The following AAGAB variants were observed in gnomAD, a reference collection of about 807,000 sequenced individuals.
AAGAB encodes the protein alpha and gamma adaptin binding protein.
A neutral mutation model predicts 44.1 loss-of-function variants in AAGAB; 38 were observed. The ratio of observed to expected loss-of-function variants is 0.86; its 90% confidence interval spans 0.67 to 1.13. AAGAB has a LOEUF of 1.13. Ranked by LOEUF, AAGAB falls within the 50% of genes most tolerant of loss-of-function variation. AAGAB has a pLI of 0.00. For missense variants in AAGAB, 450 were observed against 373.8 expected, an observed-to-expected ratio of 1.20 and a Z score of -1.68; for synonymous variants, 131 against 131.8, an observed-to-expected ratio of 0.99 and a Z score of 0.04.
At chr15:67,203,682 G>A (rs746964492) in intron 8 of AAGAB, 85 bp from the exon 9 acceptor site, 231 of 1,187,056 alleles carry the variant, frequency 1.9e-4, no homozygotes, top group Non-Finnish European at 2.7e-4. Context: ...GATGGGAGAC[G>A]GGTTTCAAAG....
At chr15:67,240,952 A>G (rs561308983) in intron 1 of AAGAB, among the ~76,000 whole-genome samples, 2 of 152,230 alleles carry the variant, frequency 1.3e-5, no homozygotes, top group Non-Finnish European at 2.9e-5. Flanking sequence ...TTCAGAATCA[A>G]TAACAGGTGA....
rs977419877 is a variant in AAGAB, at chr15:67,219,032, G to A, written c.536-9488C>T. Among the ~76,000 whole-genome samples the A allele has an allele frequency of 5.9e-5, 9 of 152,080 alleles. 1 individual carries two copies. The South Asian group carries it at 6.2e-4, about 11-fold the overall frequency. On this transcript the variant is annotated intron_variant, in intron 5 of 9. Transcript: ENST00000261880. ...AGAAGTCGTACCTTTAATGCATAGC[G>A]GAAACTGTGACTTCCCTAGAAGTTT...
chr15:67,209,632 T>C lies in AAGAB; in HGVS notation c.536-88A>G, dbSNP rs1342071572. 3 of 1,074,976 alleles carry C rather than the reference T, an allele frequency of 2.8e-6. No individual in the cohort carries two copies. The East Asian group carries it at 7.1e-5, about 25-fold the overall frequency. 66.6% of individuals were successfully genotyped at this position (1,074,976 alleles called of 1,614,324 possible). A position where few individuals can be genotyped will look rare whatever the true frequency, so the allele number is the denominator to read the frequency against. On this transcript the variant is annotated intron_variant, in intron 5 of 9. Coordinates refer to ENST00000261880, the MANE Select transcript of AAGAB (RefSeq NM_024666.5). Reference sequence around the variant, plus strand: ...ATGATGATGAAACAAAGGCTACTTATTTGTTACCAAAGTTCTAACTACATA... The same window carrying C: ...ATGATGATGAAACAAAGGCTACTTACTTGTTACCAAAGTTCTAACTACATA...
chr15:67,224,572 T>C (rs1433082399), intron 5 of AAGAB, among the ~76,000 whole-genome samples: 2 of 151,838 alleles, frequency 1.3e-5, no homozygotes, highest in African/African-American at 4.8e-5. Flanking sequence ...AAAGTCACTT[T>C]TCTTTTTCTT....
intron 1 of AAGAB, among the ~76,000 whole-genome samples, chr15:67,252,245 T>C (rs773424812): frequency 2.0e-5 from 3 of 152,204 alleles, no homozygotes; most frequent in Non-Finnish European, 2.9e-5. Context: ...CAGAGCACCA[T>C]AGCATTTAGA....
rs749596536 is a variant in AAGAB at position 67,254,650 on chromosome 15, G to T, written c.-19C>A. 9 of 1,599,228 alleles carry T rather than the reference G, an allele frequency of 5.6e-6. No individual in the cohort carries two copies. The South Asian group carries it at 1.0e-4, about 18-fold the overall frequency. ...CAGCCATAGCTGCGCTCGCGAGCCG[G>T]TTCCGTCAGGCAGCCGCTTCCGCCT... On this transcript the variant is annotated 5_prime_UTR_variant, in exon 1 of 10. Transcript: ENST00000261880.
chr15:67,228,207 A>C (rs1347137998), intron 5 of AAGAB, among the ~76,000 whole-genome samples: 1 of 152,252 alleles, frequency 6.6e-6, no homozygotes, highest in East Asian at 1.9e-4. Context: ...ATTTTTCAAA[A>C]AGTGAATAAA....
intron 5 of AAGAB, among the ~76,000 whole-genome samples, chr15:67,218,439 G>GAAACAAAC (rs34755684): frequency 6.6e-6 from 1 of 151,502 alleles, no homozygotes; most frequent in East Asian, 1.9e-4. Context: ...AACCTAGCCT[G>GAAACAAAC]AAACAAACAA....
At chr15:67,236,567 T>TG in intron 2 of AAGAB, 63 bp from the exon 3 acceptor site, 1 of 1,602,198 alleles carries the variant, frequency 6.2e-7, no homozygotes, top group Non-Finnish European at 8.5e-7. Flanking sequence ...CAAAATGTAA[T>TG]GGGAAAAAAA....
Position 67,208,600 on chromosome 15 carries a change from G to A in AAGAB, c.677C>T (p.Ala226Val), listed in dbSNP as rs1352588722. ...TESLSDHRGGASNTTDAQVDS... is the reference protein window; with the variant it reads ...TESLSDHRGGVSNTTDAQVDS... ...AACCTGGGCATCTGTTGTGTTAGAT[G>A]CACCACCCCGATGATCAGAGAGGGA... The change falls in exon 7 of 10, where the codon GCA becomes GTA. Residue 226 changes from alanine to valine, a missense_variant. Ala to Val is a moderately conservative substitution (Grantham distance 64). Coordinates refer to ENST00000261880, the MANE Select transcript of AAGAB (RefSeq NM_024666.5). The A allele has an allele frequency of 5.6e-6, 9 of 1,614,018 alleles. No homozygotes were observed. Among genetic ancestry groups the A allele is most frequent in the Non-Finnish European group, 7.6e-6 (9 of 1,180,014 alleles).
At chr15:67,226,823 C>A in intron 5 of AAGAB, 1 of 169,098 alleles carries the variant, frequency 5.9e-6, no homozygotes, top group South Asian at 1.2e-4. Context: ...ATCATGAATT[C>A]CCATATAGAT....
intron 1 of AAGAB, 145 bp downstream of exon 1, chr15:67,254,414 C>T (rs1965011911): frequency 6.9e-7 from 1 of 1,438,894 alleles, no homozygotes; most frequent in Non-Finnish European, 9.1e-7. Flanking sequence ...GGGCAGCCAC[C>T]TGGGGAGACT....
upstream of AAGAB, chr15:67,255,110 C>T: frequency 1.5e-6 from 1 of 679,332 alleles, no homozygotes; most frequent in Non-Finnish European, 2.7e-6. Flanking sequence ...CCTTCCCCCA[C>T]GGCCCAGCAC....
intron 1 of AAGAB, among the ~76,000 whole-genome samples, chr15:67,249,200 A>G (rs565423637): frequency 6.6e-6 from 1 of 152,152 alleles, no homozygotes; most frequent in Admixed American, 6.5e-5. Flanking sequence ...ACACCCGGCT[A>G]ATTTCTGCAT....
At chr15:67,209,105 A>G (rs930237052) in intron 6 of AAGAB, among the ~76,000 whole-genome samples, 1 of 152,220 alleles carries the variant, frequency 6.6e-6, no homozygotes. Context: ...CTGGACTACA[A>G]GCTCATTGAG....
intron 9 of AAGAB, 32 bp downstream of exon 9, chr15:67,203,516 G>A (rs759230701): frequency 4.4e-6 from 7 of 1,595,466 alleles, no homozygotes; most frequent in Admixed American, 3.4e-5. Context: ...CCTTTTATAG[G>A]TATTCAATAA....
At chr15:67,239,898 C>A (rs898089938) in intron 1 of AAGAB, among the ~76,000 whole-genome samples, 3 of 152,130 alleles carry the variant, frequency 2.0e-5, no homozygotes, top group Non-Finnish European at 4.4e-5. Context: ...TTCTGGAGAG[C>A]AGCTAATATA....
intron 9 of AAGAB, 135 bp from the exon 10 acceptor site, chr15:67,203,033 C>G (rs865812289): frequency 4.1e-5 from 30 of 727,788 alleles, no homozygotes; most frequent in Middle Eastern, 4.8e-4. Context: ...ATATCAGAAC[C>G]CTTGAATACC....
intron 5 of AAGAB, among the ~76,000 whole-genome samples, chr15:67,210,744 C>G (rs1033622034): frequency 6.6e-6 from 1 of 152,202 alleles, no homozygotes; most frequent in Admixed American, 6.5e-5. Context: ...ATCTGAGATT[C>G]ACTGAGTCAG....
Sources: gnomAD v4.1 joint callset for allele counts (sites outside exome capture counted in the v4.1 genomes callset) on GRCh38, gnomAD v4.1.1 for gene constraint, MANE v1.5 for transcripts, NCBI Gene and HGNC (gene_info 2026-07-23, HGNC 2026-07-21) for gene names.